The following ERBB4 variants were observed in gnomAD, a reference collection of about 807,000 sequenced individuals.
The protein encoded by ERBB4 is erb-b2 receptor tyrosine kinase 4, also known as receptor tyrosine-protein kinase erbB-4.
Under a neutral mutation model 158.0 loss-of-function variants are expected in ERBB4, and 42 were observed. That is an observed-to-expected ratio of 0.27 (90% confidence interval 0.21 to 0.34). The LOEUF (loss-of-function observed/expected upper bound fraction) is 0.34. Ranked by LOEUF, ERBB4 falls within the 10% of genes least tolerant of loss-of-function variation. The pLI is 1.00. For missense variants in ERBB4, 1,333 were observed against 1,624.1 expected (o/e 0.82, Z 3.08); for synonymous variants, 583 against 558.7 (o/e 1.04, Z -0.61).
chr2:211,568,736 C>T (rs1422457774), intron 19 of ERBB4, among the ~76,000 whole-genome samples: 1 of 152,092 alleles, frequency 6.6e-6, no homozygotes, highest in Non-Finnish European at 1.5e-5. Flanking sequence ...AACTACACAT[C>T]ATGCAACCAT....
intron 1 of ERBB4, among the ~76,000 whole-genome samples, chr2:212,230,245 A>G (rs1189879202): frequency 6.6e-6 from 1 of 152,164 alleles, no homozygotes; most frequent in Non-Finnish European, 1.5e-5. Flanking sequence ...AGATCACACC[A>G]CTGCATTCCA....
At chr2:212,124,399 T>C (rs2079854560) in intron 2 of ERBB4, among the ~76,000 whole-genome samples, 1 of 152,090 alleles carries the variant, frequency 6.6e-6, no homozygotes, top group Non-Finnish European at 1.5e-5. Flanking sequence ...GAGGCAGAAA[T>C]GGAGACGACT....
At chr2:211,605,200 A>G (rs2068937840) in intron 19 of ERBB4, among the ~76,000 whole-genome samples, 1 of 152,172 alleles carries the variant, frequency 6.6e-6, no homozygotes, top group Non-Finnish European at 1.5e-5. Context: ...TAAATCTAAA[A>G]GGGAGAAAAT....
chr2:212,359,788 C>A (rs562181910), intron 1 of ERBB4, among the ~76,000 whole-genome samples: 4 of 151,634 alleles, frequency 2.6e-5, no homozygotes, highest in South Asian at 4.2e-4. Flanking sequence ...AAATGCTAAA[C>A]CAGAAAATAA....
intron 2 of ERBB4, among the ~76,000 whole-genome samples, chr2:212,084,940 A>C (rs1381342179): frequency 1.3e-5 from 2 of 152,028 alleles, no homozygotes; most frequent in African/African-American, 4.8e-5. Context: ...GACCAATTAC[A>C]TGACTTAAGT....
chr2:212,182,072 A>G (rs1039449382), intron 1 of ERBB4, among the ~76,000 whole-genome samples: 1 of 151,872 alleles, frequency 6.6e-6, no homozygotes, highest in Non-Finnish European at 1.5e-5. Flanking sequence ...AATAACTAAA[A>G]TAGCCCTTAA....
In ERBB4 at chr2:212,079,303, T is replaced by C. The variant is rs1211830330; in HGVS notation, c.234+45449A>G. On this transcript the variant is annotated intron_variant, in intron 2 of 27. Transcript: ENST00000342788. ...TGTTATTATTTTCATTCTTAATCGCTCTATTTTTTAAAGAAATCCTATTGC... is the reference window on the plus strand; with the variant it reads ...TGTTATTATTTTCATTCTTAATCGCCCTATTTTTTAAAGAAATCCTATTGC... Among the ~76,000 whole-genome samples the C allele has an allele frequency of 5.9e-5, 9 of 151,978 alleles. 1 individual carries two copies. The highest frequency in any genetic ancestry group is 5.9e-4 in the Admixed American group (9 of 15,236).
intron 20 of ERBB4, among the ~76,000 whole-genome samples, chr2:211,533,698 TA>T (rs1056719807): frequency 4.6e-5 from 7 of 152,052 alleles, no homozygotes; most frequent in Non-Finnish European, 1.0e-4. Flanking sequence ...AAATCTAGAT[TA>T]TTTTTAGGGA....
intron 1 of ERBB4, among the ~76,000 whole-genome samples, chr2:212,516,070 A>G (rs1394168536): frequency 6.6e-6 from 1 of 152,030 alleles, no homozygotes; most frequent in African/African-American, 2.4e-5. Flanking sequence ...TAAAATAAGT[A>G]CAAAACCTGG....
intron 20 of ERBB4, among the ~76,000 whole-genome samples, chr2:211,514,586 T>C (rs541649975): frequency 6.6e-6 from 1 of 152,296 alleles, no homozygotes; most frequent in African/African-American, 2.4e-5. Context: ...AAACATTTAT[T>C]ACACATCTCA....
rs939721414 is a variant in ERBB4, at chr2:212,178,860, A to T, written c.83-53957T>A. On this transcript the variant is annotated intron_variant, in intron 1 of 27. Transcript: ENST00000342788. ...ATAAAAAATCCTCTTGCTTAGAAAA[A>T]AAATTATAGTCTAGATAAAGGTATT... 2.6e-5 allele frequency among the ~76,000 whole-genome samples: 4 copies of T among 151,706 alleles called. No homozygotes were observed. The East Asian group carries it at 7.7e-4, about 29-fold the overall frequency.
At chr2:211,722,247 T>C (rs1241908199) in intron 7 of ERBB4, 146 bp downstream of exon 7, 12 of 670,380 alleles carry the variant, frequency 1.8e-5, no homozygotes, top group Non-Finnish European at 3.1e-5. Context: ...TTTAGTTTCT[T>C]TATTTATAAA....
At chr2:212,054,162 G>T (rs1176183094) in intron 2 of ERBB4, among the ~76,000 whole-genome samples, 1 of 152,126 alleles carries the variant, frequency 6.6e-6, no homozygotes, top group Non-Finnish European at 1.5e-5. Flanking sequence ...TGGAGTATAT[G>T]TGCTATGTAG....
chr2:211,991,606 A>G (rs1034445562), intron 2 of ERBB4, among the ~76,000 whole-genome samples: 2 of 152,156 alleles, frequency 1.3e-5, no homozygotes, highest in African/African-American at 4.8e-5. Context: ...AAGATAATAG[A>G]CTTAGAAGGT....
At chr2:212,487,292 C>T (rs1386764720) in intron 1 of ERBB4, among the ~76,000 whole-genome samples, 1 of 148,862 alleles carries the variant, frequency 6.7e-6, no homozygotes, top group East Asian at 2.0e-4. Flanking sequence ...TTTTATATAC[C>T]AAATAATTTT....
chr2:212,056,090 G>A (rs900251964), intron 2 of ERBB4, among the ~76,000 whole-genome samples: 7 of 152,218 alleles, frequency 4.6e-5, no homozygotes, highest in Non-Finnish European at 8.8e-5. Flanking sequence ...TAAATGACCT[G>A]ATGGAGCTGA....
intron 1 of ERBB4, among the ~76,000 whole-genome samples, chr2:212,255,043 C>T (rs951321431): frequency 1.3e-5 from 2 of 152,134 alleles, no homozygotes; most frequent in African/African-American, 4.8e-5. Flanking sequence ...TGTGCAAACA[C>T]ATCTACTTAT....
intron 15 of ERBB4, among the ~76,000 whole-genome samples, chr2:211,659,613 T>C (rs754901379): frequency 6.6e-6 from 1 of 152,108 alleles, no homozygotes; most frequent in South Asian, 2.1e-4. Flanking sequence ...TCCATCTTTA[T>C]AACAACCCTT....
intron 20 of ERBB4, among the ~76,000 whole-genome samples, chr2:211,502,666 A>G (rs1291403011): frequency 6.6e-6 from 1 of 152,184 alleles, no homozygotes; most frequent in African/African-American, 2.4e-5. Context: ...AATTAGATTC[A>G]TGAAAATGTA....
Sources: allele counts gnomAD v4.1 joint callset (sites outside exome capture counted in the v4.1 genomes callset), GRCh38; gene constraint gnomAD v4.1.1; transcripts MANE v1.5; gene names NCBI Gene and HGNC (gene_info 2026-07-23, HGNC 2026-07-21).